INSC: variants seen among roughly 807,000 people sequenced by gnomAD.
INSC encodes the protein protein inscuteable homolog.
INSC carries 67 observed loss-of-function variants against 58.6 expected under a neutral mutation model. The observed-to-expected ratio is 1.14, with a 90% confidence interval of 0.94 to 1.40. The LOEUF (loss-of-function observed/expected upper bound fraction) is 1.40, where lower values mean the gene tolerates loss of function less well. Ranked by LOEUF, INSC falls within the 40% of genes most tolerant of loss-of-function variation. The pLI, the probability that INSC is intolerant of heterozygous loss-of-function variation, is 0.00. For missense variants in INSC, 714 were observed against 692.0 expected, an observed-to-expected ratio of 1.03 and a Z score of -0.36; for synonymous variants, 262 against 276.1, an observed-to-expected ratio of 0.95 and a Z score of 0.51.
intron 6 of INSC, among the ~76,000 whole-genome samples, chr11:15,196,301 C>T (rs1850367224): frequency 1.3e-5 from 2 of 152,338 alleles, no homozygotes; most frequent in Admixed American, 1.3e-4. Flanking sequence ...CATGACCCCT[C>T]TGAGAAGTAT....
At chr11:15,157,118 A>G (rs1848841895) in intron 2 of INSC, among the ~76,000 whole-genome samples, 1 of 152,214 alleles carries the variant, frequency 6.6e-6, no homozygotes, top group East Asian at 1.9e-4. Flanking sequence ...GGAATAGGCA[A>G]CTTCTGGGAA....
the INSC span, among the ~76,000 whole-genome samples, chr11:15,264,995 C>T: frequency 6.8e-4 from 103 of 151,990 alleles, no homozygotes; most frequent in Non-Finnish European, 1.2e-3. Flanking sequence ...ACAACTCTCA[C>T]TAAAGAAAAT....
intron 7 of INSC, among the ~76,000 whole-genome samples, chr11:15,221,202 A>G (rs548611657): frequency 3.3e-5 from 5 of 151,822 alleles, no homozygotes; most frequent in Admixed American, 3.3e-4. Context: ...TCCTGACTCT[A>G]GACACTTGAC....
In INSC at chr11:15,182,497, C is replaced by T. The variant is rs530121918; in HGVS notation, c.579+4050C>T. Among the ~76,000 whole-genome samples, 7 of 152,310 alleles carry T rather than the reference C, an allele frequency of 4.6e-5. No homozygotes were observed. The South Asian group carries it at 8.3e-4, about 18-fold the overall frequency. On this transcript the variant is annotated intron_variant, in intron 5 of 12. Transcript: ENST00000379556. ...AAAAAAATGCCTCCTTTCTCATTGA[C>T]GGGCATTTGAACTGTTTTCCTTTTC... is the stretch of plus-strand genomic sequence containing the variant.
chr11:15,174,728 AGTTTT>A (rs1256035524), intron 2 of INSC, among the ~76,000 whole-genome samples: 11 of 152,164 alleles, frequency 7.2e-5, no homozygotes, highest in African/African-American at 2.7e-4. Flanking sequence ...TTTTTAGTTT[AGTTTT>A]GTTTTCAAGC....
the INSC span, among the ~76,000 whole-genome samples, chr11:15,256,646 C>T: frequency 3.9e-5 from 6 of 152,042 alleles, no homozygotes; most frequent in South Asian, 2.1e-4. Context: ...CCCACCACCA[C>T]GCCCAGCTAA....
intron 6 of INSC, 129 bp from the exon 7 acceptor site, chr11:15,200,695 G>A (rs1003938043): frequency 1.8e-6 from 2 of 1,111,494 alleles, no homozygotes; most frequent in Non-Finnish European, 2.6e-6. Context: ...AGTGTGTGTG[G>A]GGCGGGGGTT....
chr11:15,197,733 T>C (rs1291665996), intron 6 of INSC, among the ~76,000 whole-genome samples: 5 of 152,220 alleles, frequency 3.3e-5, no homozygotes, highest in African/African-American at 1.2e-4. Context: ...CCTTCCCCTG[T>C]GCAAGGCACA....
At chr11:15,251,871 C>A (rs1852654078), downstream of INSC, among the ~76,000 whole-genome samples, 1 of 152,080 alleles carries the variant, frequency 6.6e-6, no homozygotes, top group African/African-American at 2.4e-5. Flanking sequence ...CCCAGCAATT[C>A]CACTCATGGT....
intron 7 of INSC, among the ~76,000 whole-genome samples, chr11:15,214,268 C>A (rs1448865345): frequency 6.6e-6 from 1 of 152,172 alleles, no homozygotes; most frequent in Non-Finnish European, 1.5e-5. Context: ...ATGTATTTTC[C>A]TGCAGCCTTT....
intron 5 of INSC, 138 bp from the exon 6 acceptor site, chr11:15,190,563 C>A (rs1190594698): frequency 1.7e-5 from 12 of 696,478 alleles, no homozygotes; most frequent in Non-Finnish European, 2.6e-6. Context: ...TCATTGCACT[C>A]ACAATGAGGC....
At chr11:15,258,748 C>A in the INSC span, among the ~76,000 whole-genome samples, 7 of 152,112 alleles carry the variant, frequency 4.6e-5, no homozygotes, top group Admixed American at 1.3e-4. Context: ...TGACCTGGGG[C>A]GGGTGTGTCA....
At chr11:15,235,778 C>A in intron 10 of INSC, 110 bp downstream of exon 10, 1 of 945,356 alleles carries the variant, frequency 1.1e-6, no homozygotes, top group Non-Finnish European at 1.7e-6. Flanking sequence ...TACATGTGGC[C>A]GGGCGCAGGA....
In INSC at chr11:15,138,311, A is replaced by G. The variant is rs576330467; in HGVS notation, c.-45-10819A>G. 6.6e-5 allele frequency among the ~76,000 whole-genome samples: 10 copies of G among 152,384 alleles called. No individual in the cohort carries two copies. The South Asian group carries it at 2.1e-3, about 32-fold the overall frequency. ...ACACAGAGACATAAAGTGAGCACATACTACTGGAAAATTGGCACTGATAGA... is the reference window on the plus strand; with the variant it reads ...ACACAGAGACATAAAGTGAGCACATGCTACTGGAAAATTGGCACTGATAGA... On this transcript the variant is annotated intron_variant, in intron 1 of 12. Coordinates refer to ENST00000379556, the MANE Select transcript of INSC (RefSeq NM_001042536.3).
At chr11:15,257,580 G>A in the INSC span, among the ~76,000 whole-genome samples, 16 of 151,914 alleles carry the variant, frequency 1.1e-4, no homozygotes, top group East Asian at 3.1e-3. Flanking sequence ...CCTCATAATG[G>A]GACCTTATCT....
chr11:15,147,570 C>A (rs1482094928), intron 1 of INSC, among the ~76,000 whole-genome samples: 4 of 152,194 alleles, frequency 2.6e-5, no homozygotes, highest in Non-Finnish European at 5.9e-5. Flanking sequence ...TGGGGCTCAA[C>A]ATCAATGTGT....
Position 15,225,776 on chromosome 11 carries a change from T to A in INSC, c.1118T>A (p.Leu373Gln). The A allele has an allele frequency of 6.2e-7, 1 of 1,613,960 alleles. No homozygotes were observed. Among genetic ancestry groups the A allele is most frequent in the East Asian group, 2.2e-5 (1 of 44,860 alleles). Residue 373 changes from leucine to glutamine, a missense_variant, in exon 9 of 13, where the codon CTG becomes CAG. Physicochemically the swap from Leu to Gln is moderately radical, Grantham distance 113. Coordinates refer to ENST00000379556, the MANE Select transcript of INSC (RefSeq NM_001042536.3). ...CAGTTGAATGCCATCCGTGTTCTCC[T>A]GGAAGCCTGCAGTGACAAGCAGAGA... is the stretch of plus-strand genomic sequence containing the variant. ...LLQLNAIRVL[L>Q]EACSDKQRVD...
chr11:15,132,404 G>A (rs573197016), intron 1 of INSC, among the ~76,000 whole-genome samples: 336 of 152,188 alleles, frequency 2.2e-3, no homozygotes, highest in Non-Finnish European at 3.5e-3. Flanking sequence ...TCCCACCTCA[G>A]CCTCCTGAGT....
intron 9 of INSC, among the ~76,000 whole-genome samples, chr11:15,233,208 G>T (rs770057205): frequency 6.6e-6 from 1 of 152,166 alleles, no homozygotes; most frequent in African/African-American, 2.4e-5. Context: ...AACAAATGCA[G>T]GGGGAATGGT....
Sources: allele counts gnomAD v4.1 joint callset (sites outside exome capture counted in the v4.1 genomes callset), GRCh38; gene constraint gnomAD v4.1.1; transcripts MANE v1.5; gene names NCBI Gene and HGNC (gene_info 2026-07-23, HGNC 2026-07-21).